The following PCDH15 variants were observed in gnomAD, a reference collection of about 807,000 sequenced individuals.
PCDH15 encodes the protein protocadherin-15.
Under a neutral mutation model 178.5 loss-of-function variants are expected in PCDH15, and 129 were observed. The ratio of observed to expected loss-of-function variants is 0.72; its 90% CI spans 0.63 to 0.84. The LOEUF (loss-of-function observed/expected upper bound fraction) is 0.84. PCDH15 is among the 40% of genes least tolerant of loss of function. PCDH15 has a pLI of 0.00. For synonymous variants in PCDH15, 800 were observed against 732.0 expected (o/e 1.09, Z -1.50); for missense variants, 2,230 against 2,099.9 (o/e 1.06, Z -1.21).
intron 3 of PCDH15, among the ~76,000 whole-genome samples, chr10:54,413,200 A>T (rs1393661317): frequency 6.6e-6 from 1 of 152,154 alleles, no homozygotes; most frequent in African/African-American, 2.4e-5. Flanking sequence ...GAATAGCAAA[A>T]TTTTTTAATA....
At chr10:54,495,727 C>T (rs532795749) in intron 3 of PCDH15, among the ~76,000 whole-genome samples, 1 of 152,094 alleles carries the variant, frequency 6.6e-6, no homozygotes, top group African/African-American at 2.4e-5. Context: ...CCCATCCATG[C>T]AATATTTACT....
chr10:55,323,096 G>C (rs989457256), upstream of PCDH15, among the ~76,000 whole-genome samples: 2 of 152,190 alleles, frequency 1.3e-5, no homozygotes, highest in African/African-American at 4.8e-5. Flanking sequence ...GTTTCAAAGG[G>C]TGCAGTTTCC....
chr10:55,092,407 G>T (rs1842340514), intron 2 of PCDH15, among the ~76,000 whole-genome samples: 1 of 151,722 alleles, frequency 6.6e-6, no homozygotes, highest in Non-Finnish European at 1.5e-5. Context: ...AAAACTTGAA[G>T]AAAACATGCT....
intron 3 of PCDH15, among the ~76,000 whole-genome samples, chr10:54,857,863 T>C (rs1327565168): frequency 3.3e-5 from 5 of 152,204 alleles, no homozygotes; most frequent in Non-Finnish European, 5.9e-5. Flanking sequence ...TATATAAATG[T>C]ATGGGTTACA....
intron 18 of PCDH15, among the ~76,000 whole-genome samples, chr10:54,028,636 T>C (rs1483380687): frequency 2.7e-5 from 4 of 148,196 alleles, no homozygotes; most frequent in Non-Finnish European, 6.0e-5. Context: ...ATGTCCTTTG[T>C]AGGGACATGG....
intron 21 of PCDH15, among the ~76,000 whole-genome samples, chr10:53,963,420 A>G (rs2088586161): frequency 6.6e-6 from 1 of 151,892 alleles, no homozygotes; most frequent in Admixed American, 6.6e-5. Flanking sequence ...CTGGCTACTA[A>G]ATGTTGGAGT....
chr10:54,535,411 C>T (rs2084372034), intron 2 of PCDH15, among the ~76,000 whole-genome samples: 1 of 152,016 alleles, frequency 6.6e-6, no homozygotes, highest in South Asian at 2.1e-4. Context: ...GAAGCCCATA[C>T]TTAGTCTTAA....
chr10:54,793,970 T>A (rs1197011046), intron 1 of PCDH15, among the ~76,000 whole-genome samples: 3 of 147,594 alleles, frequency 2.0e-5, no homozygotes, highest in Non-Finnish European at 3.0e-5. Context: ...AATGTGTTCT[T>A]TTTTTTTTCA....
chr10:55,456,247 A>G (rs972978335), intron 2 of PCDH15, among the ~76,000 whole-genome samples: 15 of 152,116 alleles, frequency 9.9e-5, no homozygotes, highest in African/African-American at 3.4e-4. Context: ...TTTTATTTGC[A>G]TGTGTATTTT....
intron 2 of PCDH15, among the ~76,000 whole-genome samples, chr10:54,902,539 G>T (rs565407947): frequency 6.6e-6 from 1 of 152,194 alleles, no homozygotes; most frequent in East Asian, 1.9e-4. Context: ...GTTTCCTGAG[G>T]CTTCCTCAGC....
At position 54,705,318 on chromosome 10, in the gene PCDH15, A is replaced by C. The variant is rs184479369; in HGVS notation, c.-28-41028T>G. On this transcript the variant is annotated intron_variant, in intron 1 of 37. Transcript: ENST00000644397. ...TGTACCTATGAACCTAAAATAATTAAAAAAAATACATGCTAAGATTAATCC... is the reference window on the plus strand; with the variant it reads ...TGTACCTATGAACCTAAAATAATTACAAAAAATACATGCTAAGATTAATCC... Among the ~76,000 whole-genome samples, 425 of 152,138 alleles carry C rather than the reference A, an allele frequency of 2.8e-3. 3 individuals carry two copies. The highest frequency in any genetic ancestry group is 8.5e-3 in the African/African-American group (351 of 41,524).
chr10:55,055,801 CCT>C (rs1255977194), intron 2 of PCDH15, among the ~76,000 whole-genome samples: 1 of 151,308 alleles, frequency 6.6e-6, no homozygotes, highest in African/African-American at 2.4e-5. Flanking sequence ...GGAGTGAGCC[CCT>C]GTCTCAAAAA....
chr10:53,874,795 C>A (rs2080107942), intron 26 of PCDH15, among the ~76,000 whole-genome samples: 1 of 151,668 alleles, frequency 6.6e-6, no homozygotes, highest in South Asian at 2.1e-4. Flanking sequence ...TTAGTAGACA[C>A]TGAATATAAA....
intron 2 of PCDH15, among the ~76,000 whole-genome samples, chr10:54,964,840 C>T (rs1446835890): frequency 2.6e-5 from 4 of 152,128 alleles, no homozygotes; most frequent in Non-Finnish European, 5.9e-5. Flanking sequence ...AAAGGTATAA[C>T]TGCCTCAGAG....
At chr10:54,784,757 A>G (rs777430732) in intron 1 of PCDH15, among the ~76,000 whole-genome samples, 4 of 152,048 alleles carry the variant, frequency 2.6e-5, no homozygotes, top group African/African-American at 4.8e-5. Flanking sequence ...AAGGCAATAT[A>G]TATTTGTATA....
At chr10:55,262,986 C>T (rs1050106756) in intron 1 of PCDH15, among the ~76,000 whole-genome samples, 7 of 152,114 alleles carry the variant, frequency 4.6e-5, no homozygotes, top group African/African-American at 1.7e-4. Flanking sequence ...CTGCATGCTC[C>T]CCTAGAGGTT....
intron 2 of PCDH15, among the ~76,000 whole-genome samples, chr10:55,064,572 T>C (rs981266097): frequency 2.6e-5 from 4 of 152,014 alleles, no homozygotes; most frequent in Non-Finnish European, 5.9e-5. Flanking sequence ...CACCTCTGAT[T>C]CTTAAAATAT....
chr10:55,132,677 T>C (rs1226499491), intron 2 of PCDH15, among the ~76,000 whole-genome samples: 1 of 152,224 alleles, frequency 6.6e-6, no homozygotes, highest in Admixed American at 6.5e-5. Context: ...AAGTATTTTA[T>C]GTAGTTTAAT....
chr10:54,448,852 T>C (rs988703882), intron 3 of PCDH15, among the ~76,000 whole-genome samples: 4 of 151,786 alleles, frequency 2.6e-5, no homozygotes, highest in African/African-American at 7.2e-5. Context: ...AACTTCTAGA[T>C]GAATGGATGC....
Sources: gnomAD v4.1 joint callset for allele counts (sites outside exome capture counted in the v4.1 genomes callset) on GRCh38, gnomAD v4.1.1 for gene constraint, MANE v1.5 for transcripts, NCBI Gene and HGNC (gene_info 2026-07-23, HGNC 2026-07-21) for gene names.